Variants in IL6ST observed in about 807,000 individuals in gnomAD.
IL6ST encodes interleukin-6 receptor subunit beta.
Under a neutral mutation model 91.3 loss-of-function variants are expected in IL6ST, and 24 were observed. The ratio of observed to expected loss-of-function variants is 0.26; its 90% CI spans 0.19 to 0.37. The LOEUF is 0.37. Ranked by LOEUF, IL6ST falls within the 10% of genes least tolerant of loss-of-function variation. The pLI is 1.00. For synonymous variants in IL6ST, 351 were observed against 373.6 expected, an observed-to-expected ratio of 0.94 and a Z score of 0.70; for missense variants, 914 against 1,078.5, an observed-to-expected ratio of 0.85 and a Z score of 2.14.
At chr5:55,948,255 G>T (rs1323994482) in intron 14 of IL6ST, among the ~76,000 whole-genome samples, 1 of 152,064 alleles carries the variant, frequency 6.6e-6, no homozygotes, top group African/African-American at 2.4e-5. Flanking sequence ...ATTTAAAAGA[G>T]GACTTGTTCA....
chr5:55,962,801 CT>C (rs1185005587), intron 7 of IL6ST, among the ~76,000 whole-genome samples: 6 of 152,056 alleles, frequency 3.9e-5, no homozygotes, highest in Non-Finnish European at 8.8e-5. Context: ...TACTTGTATT[CT>C]TTGTAACACC....
At position 55,940,029 on chromosome 5, in the gene IL6ST, TAAAAA is replaced by T. The variant is rs57519121; in HGVS notation, c.*1048_*1052del. Reference sequence around the variant, plus strand: ...AAATCTTTGCCTACTTATTTAAAAATAAAAAAAATACTCAAAACAAATTTAAGCTG... The same window carrying T: ...AAATCTTTGCCTACTTATTTAAAAATAAATACTCAAAACAAATTTAAGCTG... On this transcript the variant is annotated 3_prime_UTR_variant, in exon 17 of 17. Coordinates refer to ENST00000381298, the MANE Select transcript of IL6ST (RefSeq NM_002184.4). The T allele has an allele frequency of 1.5e-5, 3 of 197,190 alleles. No individual in the cohort carries two copies. Among genetic ancestry groups the T allele is most frequent in the East Asian group, 1.6e-4 (2 of 12,824 alleles). The allele number at this position is 197,190 out of a possible 1,614,324, so 12.2% of individuals were successfully genotyped here.
intron 1 of IL6ST, among the ~76,000 whole-genome samples, chr5:55,986,988 GA>G (rs1337744356): frequency 6.6e-6 from 1 of 152,162 alleles, no homozygotes; most frequent in African/African-American, 2.4e-5. Context: ...AATATAGTAA[GA>G]CTCTCGCCTC....
chr5:55,938,419 G>A lies in IL6ST; in HGVS notation c.*2663C>T, dbSNP rs1436891759. The A allele has an allele frequency of 5.2e-6, 1 of 192,036 alleles. No homozygotes were observed. The highest frequency in any genetic ancestry group is 8.2e-5 in the East Asian group (1 of 12,136). 11.9% of individuals were successfully genotyped at this position (192,036 alleles called of 1,614,324 possible). ...ATTCAGTATTATCCCTTTCAGAGAT[G>A]AGGGTAGGATACCACAGACATCAGT... is the stretch of plus-strand genomic sequence containing the variant. On this transcript the variant is annotated 3_prime_UTR_variant, in exon 17 of 17. Transcript: ENST00000381298.
intron 3 of IL6ST, 127 bp from the exon 4 acceptor site, chr5:55,969,982 A>G: frequency 1.7e-6 from 1 of 577,208 alleles, no homozygotes; most frequent in Non-Finnish European, 3.1e-6. Context: ...ACACAGAAAA[A>G]GACAATACAC....
At chr5:55,954,094 T>G (rs1368440618) in intron 11 of IL6ST, among the ~76,000 whole-genome samples, 1 of 152,192 alleles carries the variant, frequency 6.6e-6, no homozygotes, top group Non-Finnish European at 1.5e-5. Flanking sequence ...TAACCAAGCT[T>G]ATTAAAACTG....
chr5:55,940,366 G>T lies in IL6ST; in HGVS notation c.*716C>A. 1 of 208,860 alleles carries T rather than the reference G, an allele frequency of 4.8e-6. No homozygotes were observed. The highest frequency in any genetic ancestry group is 7.2e-5 in the East Asian group (1 of 13,816). The allele number at this position is 208,860 out of a possible 1,614,324, so 12.9% of individuals were successfully genotyped here. On this transcript the variant is annotated 3_prime_UTR_variant, in exon 17 of 17. Transcript: ENST00000381298. ...GTTTGTGAAATGCATCTTCAAAGAG[G>T]TTGTCAATAATATGCAAATTTTTGA...
Position 55,942,655 on chromosome 5 carries a change from A to G in IL6ST, c.2019+15T>C, listed in dbSNP as rs1234328003. 6.8e-7 allele frequency: 1 copy of G among 1,471,194 alleles called. No homozygotes were observed. The highest frequency in any genetic ancestry group is 9.5e-7 in the Non-Finnish European group (1 of 1,052,214). The allele number at this position is 1,471,194 out of a possible 1,614,324, so 91.1% of individuals were successfully genotyped here. On this transcript the variant is annotated intron_variant, in intron 16 of 16. Transcript: ENST00000381298. ...GTCTGTATATTATAAACAACTCAGA[A>G]GCATTTTCTCTTACCCTTGGAGGAG...
At chr5:55,960,375 T>C in intron 8 of IL6ST, 27 bp downstream of exon 8, 1 of 1,585,020 alleles carries the variant, frequency 6.3e-7, no homozygotes, top group Non-Finnish European at 8.6e-7. Context: ...CCAATAGCTT[T>C]ACTTCTTCAT....
chr5:55,986,982 T>G (rs1754010878), intron 1 of IL6ST, among the ~76,000 whole-genome samples: 1 of 152,166 alleles, frequency 6.6e-6, no homozygotes, highest in African/African-American at 2.4e-5. Context: ...TTGGGCAATA[T>G]AGTAAGACTC....
intron 1 of IL6ST, among the ~76,000 whole-genome samples, chr5:55,991,100 T>C (rs1471257619): frequency 1.3e-5 from 2 of 152,230 alleles, no homozygotes; most frequent in African/African-American, 2.4e-5. Context: ...TAGTATTCCA[T>C]GGTGTATATG....
intron 3 of IL6ST, among the ~76,000 whole-genome samples, chr5:55,975,459 C>A (rs1284438176): frequency 6.6e-6 from 1 of 151,986 alleles, no homozygotes; most frequent in Non-Finnish European, 1.5e-5. Flanking sequence ...AACTGTGAAT[C>A]AATTAAACCT....
chr5:55,963,034 G>A (rs1013599315), intron 7 of IL6ST, among the ~76,000 whole-genome samples: 1 of 151,190 alleles, frequency 6.6e-6, no homozygotes, highest in African/African-American at 2.4e-5. Flanking sequence ...ACTTAAGCTC[G>A]AGTTCAAAAT....
chr5:55,985,688 T>C (rs543826640), intron 1 of IL6ST, among the ~76,000 whole-genome samples: 3 of 152,360 alleles, frequency 2.0e-5, no homozygotes, highest in African/African-American at 7.2e-5. Flanking sequence ...GTTTCAAAAC[T>C]ATTTGCTGAA....
At chr5:55,955,144 T>C (rs1010674330) in intron 10 of IL6ST, 152 bp from the exon 11 acceptor site, 28 of 610,740 alleles carry the variant, frequency 4.6e-5, no homozygotes, top group Admixed American at 6.7e-5. Flanking sequence ...ACAGGTAAAG[T>C]AGTCAATTTT....
At chr5:55,970,545 G>A (rs940085608) in intron 3 of IL6ST, among the ~76,000 whole-genome samples, 6 of 152,056 alleles carry the variant, frequency 3.9e-5, no homozygotes, top group Admixed American at 6.6e-5. Flanking sequence ...AAAATTAGCC[G>A]AGCATGGTGG....
intron 1 of IL6ST, among the ~76,000 whole-genome samples, chr5:55,989,134 CAA>C (rs1361566435): frequency 3.6e-5 from 2 of 55,860 alleles, no homozygotes. Flanking sequence ...GGCTCTGTCT[CAA>C]AAAAAAAAAA....
At position 55,938,063 on chromosome 5, in the gene IL6ST, C is replaced by A. The variant is rs1330836824; in HGVS notation, c.*3019G>T. On this transcript the variant is annotated 3_prime_UTR_variant, in exon 17 of 17. Coordinates refer to ENST00000381298, the MANE Select transcript of IL6ST (RefSeq NM_002184.4). ...TAATAATTGATTTCTATTTCTCAAA[C>A]TAGATGCTCTACTTTAAATATGAGC... 5.3e-6 allele frequency: 1 copy of A among 189,146 alleles called. No homozygotes were observed. The highest frequency in any genetic ancestry group is 6.2e-5 in the Admixed American group (1 of 16,232). The allele number at this position is 189,146 out of a possible 1,614,324, so 11.7% of individuals were successfully genotyped here.
In IL6ST at chr5:55,969,708, T is replaced by C. The variant is rs759900904; in HGVS notation, c.212A>G (p.His71Arg). The C allele has an allele frequency of 6.2e-7, 1 of 1,613,090 alleles. No individual in the cohort carries two copies. The highest frequency in any genetic ancestry group is 2.2e-5 in the East Asian group (1 of 44,812). ...ATATTGCTCCTTAGGAATAGTAAAA[T>C]GGTTTGTTTTCCAGACAATGTAATT... is the stretch of plus-strand genomic sequence containing the variant. ...NANYIVWKTN[H>R]FTIPKEQYTI... Residue 71 changes from histidine (H) to arginine (R), a missense_variant, in exon 4 of 17, where the codon CAT (histidine) becomes CGT (arginine). His to Arg is a conservative substitution (Grantham distance 29). Transcript: ENST00000381298.
Sources: gnomAD v4.1 joint callset for allele counts (sites outside exome capture counted in the v4.1 genomes callset) on GRCh38, gnomAD v4.1.1 for gene constraint, MANE v1.5 for transcripts, NCBI Gene and HGNC (gene_info 2026-07-23, HGNC 2026-07-21) for gene names.